USH2A: variants seen among roughly 807,000 people sequenced by gnomAD.
USH2A encodes the protein Usher syndrome 2A (autosomal recessive, mild).
Under a neutral mutation model 538.9 loss-of-function variants are expected in USH2A, and 443 were observed. The ratio of observed to expected loss-of-function variants is 0.82; its 90% CI spans 0.76 to 0.89. The LOEUF is 0.89. Ranked by LOEUF, USH2A falls within the 40% of genes least tolerant of loss-of-function variation. The pLI, the probability that USH2A is intolerant of heterozygous loss-of-function variation, is 0.00. For synonymous variants in USH2A, 2,413 were observed against 2,273.5 expected, an observed-to-expected ratio of 1.06 and a Z score of -1.75; for missense variants, 6,633 against 6,324.8, an observed-to-expected ratio of 1.05 and a Z score of -1.65.
intron 13 of USH2A, 28 bp from the exon 14 acceptor site, chr1:216,232,164 T>C (rs1228610747): frequency 1.9e-6 from 3 of 1,585,242 alleles, no homozygotes; most frequent in African/African-American, 1.4e-5. Context: ...AAAAGTTTTA[T>C]ATATACTTTT....
At chr1:216,396,603 G>C (rs768015742) in intron 3 of USH2A, among the ~76,000 whole-genome samples, 1 of 152,076 alleles carries the variant, frequency 6.6e-6, no homozygotes, top group Non-Finnish European at 1.5e-5. Flanking sequence ...ACACGAACCA[G>C]TTACATGTGT....
chr1:216,047,087 T>C (rs1402870146), intron 31 of USH2A, among the ~76,000 whole-genome samples: 1 of 152,228 alleles, frequency 6.6e-6, no homozygotes, highest in African/African-American at 2.4e-5. Flanking sequence ...AAGAGCTGTG[T>C]ATTTTATATA....
At chr1:216,251,195 T>G (rs967767883) in intron 11 of USH2A, 97 bp from the exon 12 acceptor site, 2 of 1,230,064 alleles carry the variant, frequency 1.6e-6, no homozygotes, top group Non-Finnish European at 2.3e-6. Context: ...AGAAGAAAAC[T>G]AAATGTTCAA....
Position 216,158,591 on chromosome 1 carries a change from G to C in USH2A, c.4627+16661C>G, listed in dbSNP as rs79420908. 3.0e-3 allele frequency among the ~76,000 whole-genome samples: 458 copies of C among 152,216 alleles called. 1 individual carries two copies. Among genetic ancestry groups the C allele is most frequent in the African/African-American group, 0.011 (439 of 41,534 alleles). On this transcript the variant is annotated intron_variant, in intron 21 of 71. Transcript: ENST00000307340. The stretch of plus-strand genomic sequence containing the variant: ...CAATATGTTATTACTATACTTATCT[G>C]TTCTTTTGCCTATACTATACATGCT...
chr1:216,299,358 T>C (rs1337148963), intron 9 of USH2A, among the ~76,000 whole-genome samples: 1 of 151,936 alleles, frequency 6.6e-6, no homozygotes, highest in Non-Finnish European at 1.5e-5. Flanking sequence ...AAAAATAATA[T>C]ACAGAGTATA....
intron 30 of USH2A, among the ~76,000 whole-genome samples, chr1:216,052,081 G>A (rs2030805574): frequency 6.6e-6 from 1 of 152,116 alleles, no homozygotes; most frequent in African/African-American, 2.4e-5. Context: ...CATGTGTATA[G>A]TGAGAGTCTT....
At chr1:216,115,313 TAA>T (rs2032980395) in intron 21 of USH2A, among the ~76,000 whole-genome samples, 1 of 152,146 alleles carries the variant, frequency 6.6e-6, no homozygotes, top group Non-Finnish European at 1.5e-5. Flanking sequence ...AGCTAATTTT[TAA>T]AAGACTTTTT....
chr1:216,318,686 CA>C (rs1219766086), intron 9 of USH2A, among the ~76,000 whole-genome samples: 5 of 151,866 alleles, frequency 3.3e-5, no homozygotes, highest in Admixed American at 2.0e-4. Context: ...AGGAAAATAA[CA>C]AAAAAAGTTT....
Position 215,946,853 on chromosome 1 carries a change from A to C in USH2A, c.7121-12058T>G, listed in dbSNP as rs1439233125. ...GTATGTGGATCTACTTTCTCAACTGAAAACTTATGACATCTAAATGCAGAC... is the reference window on the plus strand; with the variant it reads ...GTATGTGGATCTACTTTCTCAACTGCAAACTTATGACATCTAAATGCAGAC... On this transcript the variant is annotated intron_variant, in intron 37 of 71. Coordinates refer to ENST00000307340, the MANE Select transcript of USH2A (RefSeq NM_206933.4). Among the ~76,000 whole-genome samples, 5 of 152,212 alleles carry C rather than the reference A, an allele frequency of 3.3e-5. No homozygotes were observed. In the East Asian group the frequency reaches 9.6e-4, roughly 29 times the overall value.
chr1:216,325,482 A>G lies in USH2A; in HGVS notation c.966T>C (p.Asn322=). Residue 322 remains asparagine, a synonymous_variant, in exon 6 of 72, where the codon AAT becomes AAC. Transcript: ENST00000307340. The stretch of plus-strand genomic sequence containing the variant: ...TATTATCAGCTGTGTCTCCTGCATC[A>G]TTAGGAATGCAGTACCGCTGTGCCA... ...HPLAQRYCIP[N]DAGDTADNRV... is the part of the protein sequence containing the mutation. 1.2e-6 allele frequency: 2 copies of G among 1,613,904 alleles called. No individual in the cohort carries two copies. Among genetic ancestry groups the G allele is most frequent in the Non-Finnish European group, 1.7e-6 (2 of 1,179,920 alleles).
At chr1:215,680,406 G>GT (rs5780842) in intron 61 of USH2A, 30 bp from the exon 62 acceptor site, 1,522 of 1,197,816 alleles carry the variant, frequency 1.3e-3, no homozygotes, top group African/African-American at 3.3e-3. Context: ...TTAAGTTGTT[G>GT]TTTTTTTTTT....
intron 21 of USH2A, among the ~76,000 whole-genome samples, chr1:216,106,649 T>C (rs1001739421): frequency 1.3e-5 from 2 of 151,684 alleles, no homozygotes; most frequent in East Asian, 1.9e-4. Flanking sequence ...TGCTTTCTGT[T>C]TCCATTTCAT....
At chr1:215,833,644 C>T (rs1184528211) in intron 47 of USH2A, among the ~76,000 whole-genome samples, 1 of 151,826 alleles carries the variant, frequency 6.6e-6, no homozygotes, top group African/African-American at 2.4e-5. Flanking sequence ...GCAAAAAGTT[C>T]TTAGATAAAA....
chr1:216,288,789 A>C (rs2102605456), intron 11 of USH2A, among the ~76,000 whole-genome samples: 1 of 152,308 alleles, frequency 6.6e-6, no homozygotes, highest in Middle Eastern at 3.4e-3. Context: ...TTGTGATGTA[A>C]GTAAACAGAA....
chr1:215,875,389 T>C (rs1359941984), intron 43 of USH2A, among the ~76,000 whole-genome samples: 1 of 152,174 alleles, frequency 6.6e-6, no homozygotes, highest in Non-Finnish European at 1.5e-5. Context: ...TTTGGCATTA[T>C]GAAACTAGTC....
At chr1:215,800,144 T>A (rs1212993096) in intron 49 of USH2A, among the ~76,000 whole-genome samples, 3 of 152,132 alleles carry the variant, frequency 2.0e-5, no homozygotes, top group Non-Finnish European at 1.5e-5. Flanking sequence ...GTAAATGGCT[T>A]CCCTTAAGGA....
chr1:216,145,492 AT>A (rs1169368062), intron 21 of USH2A, among the ~76,000 whole-genome samples: 1 of 152,232 alleles, frequency 6.6e-6, no homozygotes, highest in East Asian at 1.9e-4. Flanking sequence ...ATTAAAAAAA[AT>A]CTTGTTGATT....
At position 216,199,708 on chromosome 1, in the gene USH2A, G is replaced by A; in HGVS notation, c.3730C>T (p.Gln1244Ter). ...ITVTTAQAPP[Q>*]RLSPPKMQKI... ...TGCATCTTAGGTGGACTTAGTCTTTGGGGAGGGGCCTGGGCTGTGGTCACT... is the reference window on the plus strand; with the variant it reads ...TGCATCTTAGGTGGACTTAGTCTTTAGGGAGGGGCCTGGGCTGTGGTCACT... The change falls in exon 17 of 72, where the codon CAA (glutamine) becomes TAA (stop). Residue 1244 changes from glutamine (Q) to a stop codon, truncating the protein, a stop_gained. Coordinates refer to ENST00000307340, the MANE Select transcript of USH2A (RefSeq NM_206933.4). LOFTEE classifies it high-confidence loss of function. 6.2e-7 allele frequency: 1 copy of A among 1,614,058 alleles called. No homozygotes were observed. The highest frequency in any genetic ancestry group is 8.5e-7 in the Non-Finnish European group (1 of 1,179,980).
chr1:216,266,825 A>C (rs1034246628), intron 11 of USH2A, among the ~76,000 whole-genome samples: 1 of 152,064 alleles, frequency 6.6e-6, no homozygotes, highest in African/African-American at 2.4e-5. Flanking sequence ...GAATTATTGA[A>C]TCTAGGAAGA....
Sources: gnomAD v4.1 joint callset for allele counts (sites outside exome capture counted in the v4.1 genomes callset) on GRCh38, gnomAD v4.1.1 for gene constraint, MANE v1.5 for transcripts, NCBI Gene and HGNC (gene_info 2026-07-23, HGNC 2026-07-21) for gene names.